Variants in COL14A1 observed in about 807,000 individuals in gnomAD.
COL14A1 encodes the protein collagen type XIV alpha 1 chain.
COL14A1 carries 136 observed loss-of-function variants against 230.3 expected under a neutral mutation model. The ratio of observed to expected loss-of-function variants is 0.59; its 90% confidence interval spans 0.51 to 0.68. The LOEUF is 0.68. Ranked by LOEUF, COL14A1 falls within the 30% of genes least tolerant of loss-of-function variation. COL14A1 has a pLI of 0.00. For missense variants in COL14A1, 1,976 were observed against 2,215.8 expected, an observed-to-expected ratio of 0.89 and a Z score of 2.17; for synonymous variants, 792 against 784.1, an observed-to-expected ratio of 1.01 and a Z score of -0.17.
At chr8:120,166,163 C>A (rs1815865374) in intron 4 of COL14A1, among the ~76,000 whole-genome samples, 1 of 152,086 alleles carries the variant, frequency 6.6e-6, no homozygotes, top group South Asian at 2.1e-4. Flanking sequence ...TAGAGACTGG[C>A]AGAAACTCCT....
intron 40 of COL14A1, among the ~76,000 whole-genome samples, chr8:120,316,719 T>C (rs1821247947): frequency 6.6e-6 from 1 of 151,848 alleles, no homozygotes; most frequent in Non-Finnish European, 1.5e-5. Flanking sequence ...CTAGGCTGAG[T>C]CTTGACTGAA....
intron 14 of COL14A1, among the ~76,000 whole-genome samples, chr8:120,216,785 A>G (rs1426044907): frequency 6.6e-6 from 1 of 152,172 alleles, no homozygotes; most frequent in Non-Finnish European, 1.5e-5. Context: ...TGGGAGCTGT[A>G]GCAGGTCTCC....
chr8:120,362,272 G>A (rs1229999122), intron 45 of COL14A1, among the ~76,000 whole-genome samples: 1 of 152,148 alleles, frequency 6.6e-6, no homozygotes, highest in Non-Finnish European at 1.5e-5. Flanking sequence ...AGGGTTAATA[G>A]CAGTGCCTGC....
chr8:120,167,663 T>C (rs1218536835), intron 4 of COL14A1, among the ~76,000 whole-genome samples: 2 of 152,202 alleles, frequency 1.3e-5, no homozygotes, highest in African/African-American at 4.8e-5. Context: ...AAAGGAATTA[T>C]TATAAGGCTC....
intron 45 of COL14A1, among the ~76,000 whole-genome samples, chr8:120,362,726 T>G (rs1054225744): frequency 6.6e-6 from 1 of 152,304 alleles, no homozygotes; most frequent in South Asian, 2.1e-4. Context: ...AATCTCTGTA[T>G]CTTTTACTCA....
At position 120,209,892 on chromosome 8, in the gene COL14A1, T is replaced by G; in HGVS notation, c.1458T>G (p.Asp486Glu). The change falls in exon 12 of 48, where the codon GAT (aspartate) becomes GAG (glutamate). Residue 486 changes from aspartate to glutamate, a missense_variant. By Grantham distance (45) the Asp-to-Glu change is conservative. Transcript: ENST00000297848. ...CTCTAACAGAGGGCCTGGCTGGGGA[T>G]GAAAAAGAGGTAACCACTTCCTACC... ...YAPLTEGLAG[D>E]EKEMKIGETH... 1.9e-6 allele frequency: 3 copies of G among 1,603,272 alleles called. No homozygotes were observed. The highest frequency in any genetic ancestry group is 2.6e-6 in the Non-Finnish European group (3 of 1,176,250).
chr8:120,289,506 T>C, intron 33 of COL14A1, 102 bp from the exon 34 acceptor site: 1 of 1,072,676 alleles, frequency 9.3e-7, no homozygotes, highest in African/African-American at 1.6e-5. Flanking sequence ...GAATTCTTTC[T>C]CTTCTCTTTC....
rs1812206744 is a variant in COL14A1, at chr8:120,372,910, G to A, written c.*1679G>A. Among the ~76,000 whole-genome samples the A allele has an allele frequency of 6.6e-6, 1 of 152,232 alleles. No homozygotes were observed. Among genetic ancestry groups the A allele is most frequent in the African/African-American group, 2.4e-5 (1 of 41,542 alleles). Reference sequence around the variant, plus strand: ...GAAGATAATGAGCAGATAATCAGCAGCCATTTCCTTTCAGTTATGGTATAT... The same window carrying A: ...GAAGATAATGAGCAGATAATCAGCAACCATTTCCTTTCAGTTATGGTATAT... On this transcript the variant is annotated 3_prime_UTR_variant, in exon 48 of 48. Coordinates refer to ENST00000297848, the MANE Select transcript of COL14A1 (RefSeq NM_021110.4).
At chr8:120,230,437 C>A (rs186965941) in intron 18 of COL14A1, among the ~76,000 whole-genome samples, 3 of 152,224 alleles carry the variant, frequency 2.0e-5, no homozygotes, top group Non-Finnish European at 4.4e-5. Flanking sequence ...TTCATTTAAT[C>A]CTTATCAAGC....
At chr8:120,206,875 G>A in intron 9 of COL14A1, 68 bp from the exon 10 acceptor site, 2 of 1,403,528 alleles carry the variant, frequency 1.4e-6, no homozygotes, top group Non-Finnish European at 1.9e-6. Context: ...TCTGTCTAAT[G>A]AGATGTCTTA....
intron 31 of COL14A1, among the ~76,000 whole-genome samples, chr8:120,282,638 T>C (rs905880721): frequency 5.3e-5 from 8 of 152,232 alleles, no homozygotes; most frequent in Non-Finnish European, 1.0e-4. Flanking sequence ...TGCACATTTA[T>C]TTATTCAATT....
At chr8:120,200,914 T>G (rs1042900262) in intron 8 of COL14A1, among the ~76,000 whole-genome samples, 33 of 151,402 alleles carry the variant, frequency 2.2e-4, no homozygotes, top group African/African-American at 8.0e-4. Context: ...ACAGCATCTC[T>G]AAGCAGTGAG....
rs1288557999 is a variant in COL14A1 at position 120,372,790 on chromosome 8, A to T, written c.*1559A>T. Reference sequence around the variant, plus strand: ...TCTTCAGACTTCATCTGAAGGATTCAAACAATCTACTTGTGTGCCTTTGGT... The same window carrying T: ...TCTTCAGACTTCATCTGAAGGATTCTAACAATCTACTTGTGTGCCTTTGGT... On this transcript the variant is annotated 3_prime_UTR_variant, in exon 48 of 48. Transcript: ENST00000297848. Among the ~76,000 whole-genome samples, 19 of 152,166 alleles carry T rather than the reference A, an allele frequency of 1.2e-4. No homozygotes were observed. In the East Asian group the frequency reaches 3.7e-3, roughly 29 times the overall value.
At chr8:120,355,195 C>T (rs971632745) in intron 45 of COL14A1, among the ~76,000 whole-genome samples, 5 of 152,166 alleles carry the variant, frequency 3.3e-5, no homozygotes, top group African/African-American at 9.7e-5. Context: ...TCCTCAATTA[C>T]AGATCGTTTT....
At chr8:120,344,914 A>T (rs187562915) in intron 44 of COL14A1, among the ~76,000 whole-genome samples, 1 of 152,334 alleles carries the variant, frequency 6.6e-6, no homozygotes, top group Non-Finnish European at 1.5e-5. Flanking sequence ...GGTTCCTAAA[A>T]AAAGGCTTGA....
chr8:120,324,838 T>C (rs528015784), intron 40 of COL14A1, among the ~76,000 whole-genome samples: 1 of 152,342 alleles, frequency 6.6e-6, no homozygotes, highest in East Asian at 1.9e-4. Flanking sequence ...GAAACAAGTA[T>C]TCTCCTTTCT....
intron 26 of COL14A1, among the ~76,000 whole-genome samples, chr8:120,275,018 A>G (rs982456948): frequency 5.3e-5 from 8 of 152,036 alleles, no homozygotes; most frequent in Non-Finnish European, 1.2e-4. Context: ...GAACCCAAAA[A>G]GAGCCCAAAT....
rs370170227 is a variant in COL14A1 at position 120,197,923 on chromosome 8, A to G, written c.705A>G (p.Thr235=). 3.7e-6 allele frequency: 6 copies of G among 1,613,252 alleles called. No homozygotes were observed. The highest frequency in any genetic ancestry group is 4.2e-6 in the Non-Finnish European group (5 of 1,179,494). Residue 235 remains threonine (T), a synonymous_variant, in exon 7 of 48, where the codon ACA becomes ACG. Coordinates refer to ENST00000297848, the MANE Select transcript of COL14A1 (RefSeq NM_021110.4). ...ACCTCCCATATAAAGGAGGAAATAC[A>G]CTAACAGGTATGTTTTGTTCAATCC... The part of the protein sequence containing the change: ...VRNLPYKGGN[T]LTGLALNYIF...
chr8:120,238,008 G>A (rs1818500686), intron 19 of COL14A1, among the ~76,000 whole-genome samples: 1 of 152,154 alleles, frequency 6.6e-6, no homozygotes, highest in Non-Finnish European at 1.5e-5. Context: ...AGGGGCACCT[G>A]CCAGATGCCA....
Sources: allele counts gnomAD v4.1 joint callset (sites outside exome capture counted in the v4.1 genomes callset), GRCh38; gene constraint gnomAD v4.1.1; transcripts MANE v1.5; gene names NCBI Gene and HGNC (gene_info 2026-07-23, HGNC 2026-07-21).